SIM2: variants seen among roughly 807,000 people sequenced by gnomAD.
The protein encoded by SIM2 is SIM bHLH transcription factor 2, also known as single-minded homolog 2.
SIM2 carries 28 observed loss-of-function variants against 64.8 expected under a neutral mutation model. That is an observed-to-expected ratio of 0.43 (90% CI 0.32 to 0.59). The LOEUF is 0.59. Ranked by LOEUF, SIM2 falls within the 20% of genes least tolerant of loss-of-function variation. SIM2 has a pLI of 0.07. For synonymous variants in SIM2, 408 were observed against 391.1 expected (o/e 1.04, Z -0.51); for missense variants, 847 against 871.4 (o/e 0.97, Z 0.35).
At chr21:36,707,226 G>C (rs539667676) in intron 1 of SIM2, among the ~76,000 whole-genome samples, 1 of 152,346 alleles carries the variant, frequency 6.6e-6, no homozygotes, top group Admixed American at 6.5e-5. Context: ...CAGAATTCCT[G>C]GGTCCTTAGT....
In SIM2 at chr21:36,747,769, G is replaced by C. The variant is rs1601066399; in HGVS notation, c.1681G>C (p.Ala561Pro). 2.6e-6 allele frequency: 3 copies of C among 1,134,386 alleles called. No individual in the cohort carries two copies. Among genetic ancestry groups the C allele is most frequent in the East Asian group, 4.6e-5 (1 of 21,878 alleles). 70.3% of individuals were successfully genotyped at this position (1,134,386 alleles called of 1,614,324 possible). A position where few individuals can be genotyped will look rare whatever the true frequency, so the allele number is the denominator to read the frequency against. The change falls in exon 11 of 11, where the codon GCC becomes CCC. Residue 561 changes from alanine (A) to proline (P), a missense_variant. Around this residue, in one of 3 missense-constraint regions of SIM2, gnomAD observed 447 missense variants for 414.6 expected, o/e 1.08. Transcript: ENST00000290399. This position sits in a 1 kb window ranked among gnomAD's most constrained non-coding sequence, Gnocchi z 4.5. The part of the protein sequence containing the change: ...EEPALGPAKA[A>P]RQAARDGARL... ...GCCCGCGCTGGGCCCGGCCAAAGCC[G>C]CCCGCCAGGCCGCCCGGGACGGGGC...
In SIM2 at chr21:36,733,609, G is replaced by A. The variant is rs561763328; in HGVS notation, c.850+2458G>A. 3.3e-5 allele frequency among the ~76,000 whole-genome samples: 5 copies of A among 149,626 alleles called. No homozygotes were observed. In the South Asian group the frequency reaches 1.1e-3, roughly 32 times the overall value. On this transcript the variant is annotated intron_variant, in intron 7 of 10. Coordinates refer to ENST00000290399, the MANE Select transcript of SIM2 (RefSeq NM_005069.6). ...GAGTCTTGCTCTGTCACCCAAGCTGGAGTGCAGTGGTGCGATCTCGGCTCA... is the reference window on the plus strand; with the variant it reads ...GAGTCTTGCTCTGTCACCCAAGCTGAAGTGCAGTGGTGCGATCTCGGCTCA...
At chr21:36,740,888 A>G (rs1241782373) in intron 7 of SIM2, among the ~76,000 whole-genome samples, 3 of 152,198 alleles carry the variant, frequency 2.0e-5, no homozygotes. Context: ...CCAGACATCC[A>G]AGGGTGTCTT....
At chr21:36,712,290 G>T (rs1317861360) in intron 2 of SIM2, among the ~76,000 whole-genome samples, 2 of 152,206 alleles carry the variant, frequency 1.3e-5, no homozygotes, top group Non-Finnish European at 2.9e-5. Flanking sequence ...TGATTTTTGT[G>T]ATGTGGATGT....
At position 36,745,884 on chromosome 21, in the gene SIM2, G is replaced by A; in HGVS notation, c.1576+748G>A. 1 of 1,300,740 alleles carries A rather than the reference G, an allele frequency of 7.7e-7. No individual in the cohort carries two copies. Among genetic ancestry groups the A allele is most frequent in the South Asian group, 1.2e-5 (1 of 80,756 alleles). 80.6% of individuals were successfully genotyped at this position (1,300,740 alleles called of 1,614,324 possible). On this transcript the variant is annotated intron_variant, in intron 10 of 10. Transcript: ENST00000290399. This position sits in a 1 kb window ranked among gnomAD's most constrained non-coding sequence, Gnocchi z 4.8. ...TCGCTGGACCAACCCCAGGCAGAAG[G>A]TGGAAGGTGGGAACAGAGGTTTAGC...
chr21:36,726,154 G>A lies in SIM2; in HGVS notation c.579G>A (p.Gln193=), dbSNP rs771952767. Residue 193 remains glutamine, a synonymous_variant, in exon 6 of 11, where the codon CAG becomes CAA. Transcript: ENST00000290399. This position sits in a 1 kb window ranked among gnomAD's most constrained non-coding sequence, Gnocchi z 4.5. ...GCAGTGGCTACTTGAAGATCAGGCA[G>A]TATATGCTGGACATGTCCCTGTACG... ...IHCSGYLKIR[Q]YMLDMSLYDS... is the part of the protein sequence containing the mutation. 1 of 1,613,968 alleles carries A rather than the reference G, an allele frequency of 6.2e-7. No individual in the cohort carries two copies. Among genetic ancestry groups the A allele is most frequent in the East Asian group, 2.2e-5 (1 of 44,888 alleles).
At position 36,719,978 on chromosome 21, in the gene SIM2, A is replaced by G. The variant is rs746247917; in HGVS notation, c.457+49A>G. ...AAAAACAGACTAAAAGCAAGGCGAC[A>G]TTCTTAAATGGAACTCAGGGCTTTG... On this transcript the variant is annotated intron_variant, in intron 4 of 10. Coordinates refer to ENST00000290399, the MANE Select transcript of SIM2 (RefSeq NM_005069.6). The G allele has an allele frequency of 5.4e-6, 7 of 1,293,750 alleles. No homozygotes were observed. In the East Asian group the frequency reaches 1.4e-4, roughly 25 times the overall value. The allele number at this position is 1,293,750 out of a possible 1,614,324, so 80.1% of individuals were successfully genotyped here.
chr21:36,746,511 A>T (rs2089229104), intron 10 of SIM2, among the ~76,000 whole-genome samples: 1 of 152,182 alleles, frequency 6.6e-6, no homozygotes, highest in South Asian at 2.1e-4. Flanking sequence ...AGGCTGAGAT[A>T]ACATTTCTTC....
At chr21:36,746,010 G>T in intron 10 of SIM2, 2 of 1,176,256 alleles carry the variant, frequency 1.7e-6, no homozygotes, top group Non-Finnish European at 2.2e-6. Context: ...GTGGGTGAAG[G>T]TGACATCAGG....
At chr21:36,731,880 T>C (rs1239708111) in intron 7 of SIM2, among the ~76,000 whole-genome samples, 1 of 151,850 alleles carries the variant, frequency 6.6e-6, no homozygotes, top group African/African-American at 2.4e-5. Flanking sequence ...TTTTTTAAAA[T>C]CTAAAAAAAA....
In SIM2 at chr21:36,748,899, GT is replaced by G. The variant is rs113733314; in HGVS notation, c.*808del. 2.0e-5 allele frequency: 3 copies of G among 152,662 alleles called. No individual in the cohort carries two copies. The highest frequency in any genetic ancestry group is 7.2e-5 in the African/African-American group (3 of 41,526). 9.5% of individuals were successfully genotyped at this position (152,662 alleles called of 1,614,324 possible). On this transcript the variant is annotated 3_prime_UTR_variant, in exon 11 of 11. Coordinates refer to ENST00000290399, the MANE Select transcript of SIM2 (RefSeq NM_005069.6). ...TGACCCTGTCAAGCTTCATTATTAC[GT>G]GGCAAAATCCCTCTGGCCCACACAG...
At chr21:36,740,055 G>T (rs1204985197) in intron 7 of SIM2, among the ~76,000 whole-genome samples, 1 of 126,524 alleles carries the variant, frequency 7.9e-6, no homozygotes, top group Non-Finnish European at 1.8e-5. Context: ...AAGAAAGAAA[G>T]AAAGAGAAAA....
chr21:36,716,484 T>C (rs1407210146), intron 3 of SIM2, among the ~76,000 whole-genome samples: 1 of 152,218 alleles, frequency 6.6e-6, no homozygotes, highest in African/African-American at 2.4e-5. Context: ...ACCTAATCCT[T>C]TCACTTTTGA....
intron 1 of SIM2, among the ~76,000 whole-genome samples, chr21:36,704,207 A>T (rs375290532): frequency 6.6e-6 from 1 of 152,134 alleles, no homozygotes; most frequent in South Asian, 2.1e-4. Flanking sequence ...TGAGCACACC[A>T]CGAGAAGCCA....
At chr21:36,742,767 CTG>C (rs2089179481) in intron 8 of SIM2, among the ~76,000 whole-genome samples, 1 of 152,202 alleles carries the variant, frequency 6.6e-6, no homozygotes, top group African/African-American at 2.4e-5. Context: ...CATAGAATGA[CTG>C]TGTCTTAGAA....
chr21:36,719,947 A>T lies in SIM2; in HGVS notation c.457+18A>T. ...GCTCCAAGGTATTCCATCCAGAGGG[A>T]AAAAAAAAAACAGACTAAAAGCAAG... On this transcript the variant is annotated intron_variant, in intron 4 of 10. Coordinates refer to ENST00000290399, the MANE Select transcript of SIM2 (RefSeq NM_005069.6). 1 of 637,620 alleles carries T rather than the reference A, an allele frequency of 1.6e-6. No homozygotes were observed. Among genetic ancestry groups the T allele is most frequent in the Non-Finnish European group, 2.3e-6 (1 of 428,192 alleles). 39.5% of individuals were successfully genotyped at this position (637,620 alleles called of 1,614,324 possible).
rs775828168 is a variant in SIM2, at chr21:36,712,575, A to G, written c.301A>G (p.Ile101Val). 3.1e-6 allele frequency: 5 copies of G among 1,613,928 alleles called. No individual in the cohort carries two copies. In the South Asian group the frequency reaches 5.5e-5, roughly 18 times the overall value. The change falls in exon 3 of 11, where the codon ATC (isoleucine) becomes GTC (valine). Residue 101 changes from isoleucine to valine, a missense_variant. Physicochemically the swap from Ile to Val is conservative, Grantham distance 29 (BLOSUM62 3). This residue lies in a region of SIM2 where 397 missense variants were observed against 439.2 expected (regional missense o/e 0.90). Coordinates refer to ENST00000290399, the MANE Select transcript of SIM2 (RefSeq NM_005069.6). ...TTTTGTGGTAGCATCTGATGGCAAA[A>G]TCATGTATATATCCGAGACCGCTTC... is the stretch of plus-strand genomic sequence containing the variant. ...FVFVVASDGK[I>V]MYISETASVH...
chr21:36,715,652 T>A (rs1025307583), intron 3 of SIM2, among the ~76,000 whole-genome samples: 2 of 152,246 alleles, frequency 1.3e-5, no homozygotes, highest in East Asian at 1.9e-4. Flanking sequence ...TTAAACTTTA[T>A]GTTAAAAGAT....
At chr21:36,721,546 T>G (rs1397456374) in intron 4 of SIM2, among the ~76,000 whole-genome samples, 1 of 152,062 alleles carries the variant, frequency 6.6e-6, no homozygotes, top group African/African-American at 2.4e-5. Flanking sequence ...TTCAAGCGAT[T>G]CTCCTGCCTC....
Sources: allele counts gnomAD v4.1 joint callset (sites outside exome capture counted in the v4.1 genomes callset), GRCh38; gene constraint gnomAD v4.1.1; regional missense constraint gnomAD v4.1.1; non-coding constraint Gnocchi (gnomAD v3.1); transcripts MANE v1.5; gene names NCBI Gene and HGNC (gene_info 2026-07-23, HGNC 2026-07-21).